AGXT: variants seen among roughly 807,000 people sequenced by gnomAD.
AGXT encodes L-alanine: glyoxylate aminotransferase 1.
AGXT carries 41 observed loss-of-function variants against 46.9 expected under a neutral mutation model. That is an observed-to-expected ratio of 0.88 (90% CI 0.68 to 1.14). The LOEUF (loss-of-function observed/expected upper bound fraction) is 1.14, where lower values mean the gene tolerates loss of function less well. Among genes scored for constraint, AGXT ranks in the 50% most tolerant of loss-of-function variants. AGXT has a pLI of 0.00. For synonymous variants in AGXT, 244 were observed against 227.9 expected (o/e 1.07, Z -0.64); for missense variants, 525 against 522.7 (o/e 1.00, Z -0.04).
At chr2:240,870,215 G>A (rs1231163134) in intron 2 of AGXT, among the ~76,000 whole-genome samples, 2 of 152,158 alleles carry the variant, frequency 1.3e-5, no homozygotes, top group African/African-American at 4.8e-5. Flanking sequence ...CAGAGGTCAA[G>A]GCTGCTGCCT....
Position 240,868,827 on chromosome 2 carries a change from G to A in AGXT, c.-39G>A, listed in dbSNP as rs1164984241. On this transcript the variant is annotated 5_prime_UTR_variant, in exon 1 of 11. Transcript: ENST00000307503. ...ATTCCAGGCTTTGGCCAAGGCCAGT[G>A]CAGCCCCAGGTTCCCGAGCGGCAGG... is the stretch of plus-strand genomic sequence containing the variant. The A allele has an allele frequency of 6.3e-7, 1 of 1,594,472 alleles. No individual in the cohort carries two copies. The highest frequency in any genetic ancestry group is 1.1e-5 in the South Asian group (1 of 88,450).
At chr2:240,873,110 A>G in intron 5 of AGXT, 61 bp downstream of exon 5, 1 of 1,453,450 alleles carries the variant, frequency 6.9e-7, no homozygotes, top group Non-Finnish European at 9.6e-7. Flanking sequence ...CGCGTGCAGG[A>G]AGCCCTGCTG....
chr2:240,869,761 A>T (rs1392384209), intron 2 of AGXT, among the ~76,000 whole-genome samples: 2 of 152,182 alleles, frequency 1.3e-5, no homozygotes, highest in Non-Finnish European at 2.9e-5. Flanking sequence ...AAATCTCAGC[A>T]GCCTTCCTTC....
At chr2:240,872,030 G>T (rs1471410994) in intron 4 of AGXT, among the ~76,000 whole-genome samples, 1 of 152,230 alleles carries the variant, frequency 6.6e-6, no homozygotes, top group Non-Finnish European at 1.5e-5. Flanking sequence ...CATGAATAAA[G>T]CTCACAAACA....
rs1455281240 is a variant in AGXT at position 240,868,831 on chromosome 2, C to G, written c.-35C>G. On this transcript the variant is annotated 5_prime_UTR_variant, in exon 1 of 11. Coordinates refer to ENST00000307503, the MANE Select transcript of AGXT (RefSeq NM_000030.3). ...CAGGCTTTGGCCAAGGCCAGTGCAG[C>G]CCCAGGTTCCCGAGCGGCAGGTTGG... 1 of 1,597,836 alleles carries G rather than the reference C, an allele frequency of 6.3e-7. No homozygotes were observed. Among genetic ancestry groups the G allele is most frequent in the Non-Finnish European group, 8.5e-7 (1 of 1,172,236 alleles).
Position 240,871,353 on chromosome 2 carries a change from TGGCCCAGCACAAGCCA to T in AGXT, c.430_445del (p.Ala144CysfsTer5). ...CAGCCGTCCCTGCTTCCTCAGGGCC[TGGCCCAGCACAAGCCA>T]GTGCTGCTGTTCTTAACCCACGGGG... is the stretch of plus-strand genomic sequence containing the variant. On this transcript the variant is annotated frameshift_variant, in exon 4 of 11. Transcript: ENST00000307503. LOFTEE classifies it high-confidence loss of function. 1 of 1,578,510 alleles carries T rather than the reference TGGCCCAGCACAAGCCA, an allele frequency of 6.3e-7. No homozygotes were observed. Among genetic ancestry groups the T allele is most frequent in the Non-Finnish European group, 8.6e-7 (1 of 1,162,984 alleles).
chr2:240,874,523 G>A (rs1043628737), intron 6 of AGXT, among the ~76,000 whole-genome samples: 3 of 152,258 alleles, frequency 2.0e-5, no homozygotes, highest in African/African-American at 7.2e-5. Context: ...CCTCACAGGC[G>A]GTTCCCATCC....
At chr2:240,878,511 G>A (rs1353561885) in intron 10 of AGXT, among the ~76,000 whole-genome samples, 1 of 152,210 alleles carries the variant, frequency 6.6e-6, no homozygotes. Flanking sequence ...GTGTGGCTGC[G>A]GGTGCAGAGG....
chr2:240,869,669 G>A (rs542055236), intron 2 of AGXT, among the ~76,000 whole-genome samples: 6 of 152,286 alleles, frequency 3.9e-5, no homozygotes, highest in Admixed American at 2.6e-4. Flanking sequence ...ACACTCCTGA[G>A]AGCCCCGGCC....
intron 4 of AGXT, among the ~76,000 whole-genome samples, chr2:240,872,401 G>A (rs2058996794): frequency 1.3e-5 from 2 of 148,330 alleles, no homozygotes; most frequent in African/African-American, 2.5e-5. Context: ...GTGGAGGAGG[G>A]TGAGAGTTCG....
At chr2:240,877,958 A>C in intron 9 of AGXT, 64 bp from the exon 10 acceptor site, 2 of 1,595,892 alleles carry the variant, frequency 1.3e-6, no homozygotes, top group Non-Finnish European at 1.7e-6. Flanking sequence ...GTGCAGGCCA[A>C]GAGCTGTCAC....
At chr2:240,877,091 C>A in intron 8 of AGXT, 1 of 336,028 alleles carries the variant, frequency 3.0e-6, no homozygotes, top group Non-Finnish European at 6.0e-6. Context: ...GAGAGACCAC[C>A]CCTCACCTGT....
Position 240,868,907 on chromosome 2 carries a change from G to C in AGXT, c.42G>C (p.Leu14=). Residue 14 remains leucine (L), a synonymous_variant, in exon 1 of 11, where the codon CTG becomes CTC. Coordinates refer to ENST00000307503, the MANE Select transcript of AGXT (RefSeq NM_000030.3). ...TGCTGGTGACCCCCCCCAAGGCCCT[G>C]CTCAAGCCCCTCTCCATCCCCAACC... ...HKLLVTPPKA[L]LKPLSIPNQL... The C allele has an allele frequency of 6.2e-7, 1 of 1,613,192 alleles. No homozygotes were observed. Among genetic ancestry groups the C allele is most frequent in the Non-Finnish European group, 8.5e-7 (1 of 1,179,946 alleles).
chr2:240,876,798 T>C, intron 8 of AGXT: 1 of 161,516 alleles, frequency 6.2e-6, no homozygotes, highest in Non-Finnish European at 1.4e-5. Flanking sequence ...GGTCAGGCGC[T>C]CACACAGGGA....
chr2:240,875,894 C>A, intron 7 of AGXT, 41 bp from the exon 8 acceptor site: 1 of 1,607,648 alleles, frequency 6.2e-7, no homozygotes, highest in Non-Finnish European at 8.5e-7. Context: ...TGCCCCCAAC[C>A]CTGCCCATGG....
At chr2:240,869,583 G>A (rs943152501) in intron 2 of AGXT, among the ~76,000 whole-genome samples, 5 of 152,196 alleles carry the variant, frequency 3.3e-5, no homozygotes, top group African/African-American at 9.6e-5. Context: ...CAGGTGCCCC[G>A]ATCCCCCCAG....
chr2:240,871,461 C>A lies in AGXT; in HGVS notation c.524+12C>A. ...GAACTCTGCCACAGGTGAGCCTGGC[C>A]CCAGGGCGGTGGACTGGAGCACAGC... is the stretch of plus-strand genomic sequence containing the variant. On this transcript the variant is annotated intron_variant, in intron 4 of 10. Coordinates refer to ENST00000307503, the MANE Select transcript of AGXT (RefSeq NM_000030.3). 1 of 1,567,458 alleles carries A rather than the reference C, an allele frequency of 6.4e-7. No individual in the cohort carries two copies. The highest frequency in any genetic ancestry group is 1.9e-5 in the Admixed American group (1 of 53,464).
At chr2:240,869,595 C>G (rs1016175318) in intron 2 of AGXT, among the ~76,000 whole-genome samples, 1 of 152,230 alleles carries the variant, frequency 6.6e-6, no homozygotes, top group Admixed American at 6.5e-5. Flanking sequence ...TCCCCCCAGT[C>G]TCCTTGAGCT....
intron 5 of AGXT, chr2:240,873,330 A>G (rs1202734309): frequency 2.2e-6 from 1 of 454,802 alleles, no homozygotes; most frequent in African/African-American, 2.0e-5. Flanking sequence ...CTGTAGCAGA[A>G]GCAGTGGGAA....
Sources: gnomAD v4.1 joint callset for allele counts (sites outside exome capture counted in the v4.1 genomes callset) on GRCh38, gnomAD v4.1.1 for gene constraint, MANE v1.5 for transcripts, NCBI Gene and HGNC (gene_info 2026-07-23, HGNC 2026-07-21) for gene names.